PDGFC: variants seen among roughly 807,000 people sequenced by gnomAD.
The protein encoded by PDGFC is platelet derived growth factor C.
Under a neutral mutation model 35.5 loss-of-function variants are expected in PDGFC, and 12 were observed. The observed-to-expected ratio is 0.34, with a 90% CI of 0.22 to 0.55. PDGFC has a LOEUF of 0.55. Ranked by LOEUF, PDGFC falls within the 20% of genes least tolerant of loss-of-function variation. The pLI, the probability that PDGFC is intolerant of heterozygous loss-of-function variation, is 0.91. For missense variants in PDGFC, 322 were observed against 412.4 expected, an observed-to-expected ratio of 0.78 and a Z score of 1.90; for synonymous variants, 159 against 148.8, an observed-to-expected ratio of 1.07 and a Z score of -0.50.
chr4:156,964,216 T>C (rs1406132224), intron 1 of PDGFC, among the ~76,000 whole-genome samples: 1 of 151,732 alleles, frequency 6.6e-6, no homozygotes. Flanking sequence ...AGCATGCCAA[T>C]GTCAGCCATA....
intron 1 of PDGFC, among the ~76,000 whole-genome samples, chr4:156,876,024 T>C (rs1015971096): frequency 5.9e-5 from 9 of 152,136 alleles, no homozygotes; most frequent in African/African-American, 2.2e-4. Context: ...AGATTCTACC[T>C]AAGAATGACA....
At chr4:156,828,177 A>G (rs1001462736) in intron 2 of PDGFC, among the ~76,000 whole-genome samples, 2 of 152,232 alleles carry the variant, frequency 1.3e-5, no homozygotes, top group Admixed American at 1.3e-4. Flanking sequence ...ACTGCAGACC[A>G]CAAGTGCCTT....
chr4:156,939,172 C>T (rs1015884290), intron 1 of PDGFC, among the ~76,000 whole-genome samples: 28 of 152,118 alleles, frequency 1.8e-4, no homozygotes, highest in Middle Eastern at 3.4e-3. Context: ...ATTTACATAT[C>T]GTTTTTTAGG....
At chr4:156,861,672 T>C (rs1225506955) in intron 1 of PDGFC, among the ~76,000 whole-genome samples, 1 of 152,086 alleles carries the variant, frequency 6.6e-6, no homozygotes, top group African/African-American at 2.4e-5. Flanking sequence ...TGGACATTTG[T>C]ACTAATCTTT....
At chr4:156,772,653 T>C in intron 4 of PDGFC, 33 bp downstream of exon 4, 1 of 1,422,364 alleles carries the variant, frequency 7.0e-7, no homozygotes, top group South Asian at 1.2e-5. Context: ...TTAAGAAAAT[T>C]AAATGAGGTT....
chr4:156,811,671 C>T (rs1731935023), intron 2 of PDGFC, among the ~76,000 whole-genome samples: 1 of 152,086 alleles, frequency 6.6e-6, no homozygotes, highest in Non-Finnish European at 1.5e-5. Flanking sequence ...GTACATATTT[C>T]TATTTTACAT....
chr4:156,904,286 A>G (rs1730862435), intron 1 of PDGFC, among the ~76,000 whole-genome samples: 2 of 152,052 alleles, frequency 1.3e-5, no homozygotes, highest in Admixed American at 6.6e-5. Context: ...GAAAGAGATC[A>G]TAATTAAAAG....
intron 1 of PDGFC, among the ~76,000 whole-genome samples, chr4:156,946,674 G>A (rs755477298): frequency 6.6e-6 from 1 of 152,006 alleles, no homozygotes; most frequent in Non-Finnish European, 1.5e-5. Context: ...GACAGACAGA[G>A]CCCGGGACTG....
chr4:156,898,438 G>C (rs1299046438), intron 1 of PDGFC, among the ~76,000 whole-genome samples: 6 of 152,162 alleles, frequency 3.9e-5, no homozygotes, highest in Non-Finnish European at 8.8e-5. Flanking sequence ...ATGCCTATAA[G>C]TGAGAATAAA....
chr4:156,917,068 T>C (rs902498542), intron 1 of PDGFC, among the ~76,000 whole-genome samples: 55 of 152,232 alleles, frequency 3.6e-4, no homozygotes, highest in African/African-American at 1.3e-3. Flanking sequence ...GTGCAACAGA[T>C]AGCCTCCCAA....
intron 1 of PDGFC, among the ~76,000 whole-genome samples, chr4:156,962,520 C>T (rs991037584): frequency 7.2e-5 from 11 of 152,132 alleles, no homozygotes; most frequent in South Asian, 4.1e-4. Context: ...ATCCTCTGAC[C>T]GAGTTTCTCA....
chr4:156,949,157 G>C (rs1732018987), intron 1 of PDGFC, among the ~76,000 whole-genome samples: 1 of 151,610 alleles, frequency 6.6e-6, no homozygotes, highest in Non-Finnish European at 1.5e-5. Flanking sequence ...ACTCACCAAC[G>C]GTCTCCTACT....
At chr4:156,936,590 G>T (rs1731689207) in intron 1 of PDGFC, among the ~76,000 whole-genome samples, 1 of 152,160 alleles carries the variant, frequency 6.6e-6, no homozygotes, top group African/African-American at 2.4e-5. Flanking sequence ...AAACACTAGA[G>T]AAGAATCAGG....
chr4:156,890,603 T>A (rs1730479897), intron 1 of PDGFC, among the ~76,000 whole-genome samples: 1 of 152,120 alleles, frequency 6.6e-6, no homozygotes, highest in African/African-American at 2.4e-5. Flanking sequence ...GCTACCGGGG[T>A]TCATGCACCC....
At chr4:156,912,482 G>A (rs776221345) in intron 1 of PDGFC, among the ~76,000 whole-genome samples, 1 of 152,096 alleles carries the variant, frequency 6.6e-6, no homozygotes, top group East Asian at 1.9e-4. Flanking sequence ...TTGCTTCCCT[G>A]TCTCCCACTT....
At chr4:156,865,514 C>G (rs1283369303) in intron 1 of PDGFC, among the ~76,000 whole-genome samples, 1 of 152,046 alleles carries the variant, frequency 6.6e-6, no homozygotes, top group African/African-American at 2.4e-5. Flanking sequence ...GGGAAAATGA[C>G]AAAAGCTGTT....
intron 1 of PDGFC, among the ~76,000 whole-genome samples, chr4:156,925,472 C>T (rs891525575): frequency 6.6e-6 from 1 of 152,074 alleles, no homozygotes; most frequent in Non-Finnish European, 1.5e-5. Flanking sequence ...AGACTTTCTT[C>T]ATTAGCAACT....
rs73856775 is a variant in PDGFC at position 156,884,334 on chromosome 4, A to G, written c.119-33918T>C. Among the ~76,000 whole-genome samples the G allele has an allele frequency of 7.8e-3, 1,185 of 152,318 alleles. 9 individuals carry two copies. Among genetic ancestry groups the G allele is most frequent in the African/African-American group, 0.027 (1,110 of 41,578 alleles). On this transcript the variant is annotated intron_variant, in intron 1 of 5. Transcript: ENST00000502773. ...TATCCAGCCAGTCGAGGCTTGCATG[A>G]AAGACTTTGTTATGGGTTGCAAGGT... is the stretch of plus-strand genomic sequence containing the variant.
At chr4:156,789,976 C>CAAAAAAAA (rs750843965) in intron 3 of PDGFC, among the ~76,000 whole-genome samples, 6 of 55,906 alleles carry the variant, frequency 1.1e-4, no homozygotes, top group East Asian at 5.6e-4. Flanking sequence ...GTCTCCATCT[C>CAAAAAAAA]AAAAAAAAAA....
Sources: allele counts gnomAD v4.1 joint callset (sites outside exome capture counted in the v4.1 genomes callset), GRCh38; gene constraint gnomAD v4.1.1; transcripts MANE v1.5; gene names NCBI Gene and HGNC (gene_info 2026-07-23, HGNC 2026-07-21).